The following JADE3 variants were observed in gnomAD, a reference collection of about 807,000 sequenced individuals.
The protein encoded by JADE3 is protein Jade-3.
A neutral mutation model predicts 50.1 loss-of-function variants in JADE3; 2 were observed. The observed-to-expected ratio is 0.04, with a 90% CI of 0.02 to 0.13. The LOEUF (loss-of-function observed/expected upper bound fraction) is 0.13. Among genes scored for constraint, JADE3 ranks in the 10% least tolerant of loss-of-function variants. JADE3 has a pLI of 1.00. For synonymous variants in JADE3, 218 were observed against 232.9 expected (o/e 0.94, Z 0.58); for missense variants, 475 against 634.4 (o/e 0.75, Z 2.70).
chrX:46,972,323 A>G (rs1301363374), intron 1 of JADE3, among the ~76,000 whole-genome samples: 1 of 110,251 alleles, frequency 9.1e-6, no homozygotes, highest in African/African-American at 3.3e-5. Context: ...AGCTTCCTGA[A>G]TAGCTGGGAT....
At chrX:46,921,446 G>A (rs1466980340) in intron 1 of JADE3, among the ~76,000 whole-genome samples, 2 of 111,054 alleles carry the variant, frequency 1.8e-5, no homozygotes, top group Non-Finnish European at 3.8e-5. Flanking sequence ...TCCAATCTTG[G>A]AAAGCATTCC....
intron 1 of JADE3, among the ~76,000 whole-genome samples, chrX:46,934,822 G>T (rs2147108996): frequency 8.9e-6 from 1 of 112,221 alleles, no homozygotes; most frequent in South Asian, 3.7e-4. Context: ...TGTAAATGGA[G>T]TGAGGTTTAG....
chrX:46,980,361 C>T (rs1249179718), intron 1 of JADE3, among the ~76,000 whole-genome samples: 3 of 111,406 alleles, frequency 2.7e-5, no homozygotes, highest in Non-Finnish European at 5.6e-5. Context: ...TACATTCCCA[C>T]CAGCAATGTA....
At chrX:46,982,219 T>C (rs1448693912) in intron 1 of JADE3, among the ~76,000 whole-genome samples, 1 of 111,336 alleles carries the variant, frequency 9.0e-6, no homozygotes, top group Non-Finnish European at 1.9e-5. Context: ...GTTCATTAAT[T>C]CTTTTTTCTG....
At chrX:47,046,678 C>G (rs1248183825) in intron 8 of JADE3, among the ~76,000 whole-genome samples, 1 of 112,148 alleles carries the variant, frequency 8.9e-6, no homozygotes, top group Non-Finnish European at 1.9e-5. Context: ...AAAGATCATT[C>G]ACCATGACCA....
At position 47,028,383 on chromosome X, in the gene JADE3, TG is replaced by T. The variant is rs781994780; in HGVS notation, c.687+281del. The stretch of plus-strand genomic sequence containing the variant: ...CTTGTTCAGCTTGCCCCTAGGCCCC[TG>T]CCCCAGGGGGATCTCATTGCTGCCT... On this transcript the variant is annotated intron_variant, in intron 6 of 10. Coordinates refer to ENST00000614628, the MANE Select transcript of JADE3 (RefSeq NM_014735.5). 5.1e-3 allele frequency among the ~76,000 whole-genome samples: 560 copies of T among 110,022 alleles called. 2 individuals are homozygous for T. Among genetic ancestry groups the T allele is most frequent in the Non-Finnish European group, 7.9e-3 (415 of 52,725 alleles).
At chrX:46,930,544 A>G (rs1342516618) in intron 1 of JADE3, among the ~76,000 whole-genome samples, 1 of 112,273 alleles carries the variant, frequency 8.9e-6, no homozygotes, top group Non-Finnish European at 1.9e-5. Flanking sequence ...CAGGGCCTAG[A>G]GGGCATGACC....
intron 1 of JADE3, among the ~76,000 whole-genome samples, chrX:46,957,445 G>A (rs1556346793): frequency 1.8e-5 from 2 of 112,525 alleles, no homozygotes; most frequent in Admixed American, 9.4e-5. Flanking sequence ...ATTTGGGCAT[G>A]TGGTAGGATT....
rs782158739 is a variant in JADE3, at chrX:47,027,989, A to G, written c.573A>G (p.Glu191=). 1.2e-5 allele frequency: 15 copies of G among 1,204,931 alleles called. No individual in the cohort carries two copies. The highest frequency in any genetic ancestry group is 3.5e-5 in the African/African-American group (2 of 56,898). The change falls in exon 6 of 11, where the codon GAA becomes GAG. Residue 191 remains glutamate, a synonymous_variant. Transcript: ENST00000614628. ...ENMNHAIETE[E]GLGIEYDEDV... ...TGAACCATGCTATTGAGACAGAGGA[A>G]GGGCTAGGCATAGAGTATGATGAAG...
At chrX:46,976,560 A>G (rs1432262889) in intron 1 of JADE3, among the ~76,000 whole-genome samples, 1 of 111,955 alleles carries the variant, frequency 8.9e-6, no homozygotes, top group Non-Finnish European at 1.9e-5. Context: ...TTCTGCCAAA[A>G]TGAAGGTAAG....
chrX:46,955,590 T>C (rs187000014), intron 1 of JADE3, among the ~76,000 whole-genome samples: 1 of 111,826 alleles, frequency 8.9e-6, no homozygotes, highest in East Asian at 2.8e-4. Context: ...GTGTTCAGAC[T>C]GTTGCATTAT....
chrX:47,040,336 G>A, intron 8 of JADE3, among the ~76,000 whole-genome samples: 1 of 112,117 alleles, frequency 8.9e-6, no homozygotes, highest in Non-Finnish European at 1.9e-5. Context: ...GTGAGCAAGT[G>A]AGCATTACCA....
chrX:46,997,235 C>A lies in JADE3; in HGVS notation c.127-885C>A, dbSNP rs782458539. On this transcript the variant is annotated intron_variant, in intron 3 of 10. Transcript: ENST00000614628. Reference sequence around the variant, plus strand: ...AGATACTCTGAGGCCAGGCACCGTGCCTCACGCCTATAATCCCAGCACTTT... The same window carrying A: ...AGATACTCTGAGGCCAGGCACCGTGACTCACGCCTATAATCCCAGCACTTT... Among the ~76,000 whole-genome samples the A allele has an allele frequency of 4.5e-5, 5 of 111,612 alleles. No individual in the cohort carries two copies. The South Asian group carries it at 1.9e-3, about 42-fold the overall frequency.
intron 1 of JADE3, among the ~76,000 whole-genome samples, chrX:46,932,746 A>C: frequency 9.0e-6 from 1 of 111,670 alleles, no homozygotes; most frequent in Non-Finnish European, 1.9e-5. Flanking sequence ...CACAGGAATA[A>C]TTTTGGATAC....
chrX:46,966,384 C>T (rs1927369378), intron 1 of JADE3, among the ~76,000 whole-genome samples: 2 of 111,412 alleles, frequency 1.8e-5, no homozygotes, highest in Admixed American at 1.9e-4. Context: ...CTGTCTCTTT[C>T]GCCTTTCCTT....
intron 1 of JADE3, among the ~76,000 whole-genome samples, chrX:46,966,685 T>C (rs992151487): frequency 1.5e-4 from 17 of 110,899 alleles, no homozygotes; most frequent in African/African-American, 5.3e-4. Context: ...AGATTGAGAG[T>C]AAGGAAGGAG....
Position 46,977,423 on chromosome X carries a change from TCTATGCCATAAAC to T in JADE3, c.-11-7456_-11-7444del, listed in dbSNP as rs1271353955. Among the ~76,000 whole-genome samples, 6 of 112,046 alleles carry T rather than the reference TCTATGCCATAAAC, an allele frequency of 5.4e-5. No homozygotes were observed. In the East Asian group the frequency reaches 1.7e-3, roughly 31 times the overall value. ...ATATACCTATAAACTATCATCACAA[TCTATGCCATAAAC>T]CTATCTATCACCCCCAAAAGTTTCC... On this transcript the variant is annotated intron_variant, in intron 1 of 10. Coordinates refer to ENST00000614628, the MANE Select transcript of JADE3 (RefSeq NM_014735.5).
intron 1 of JADE3, among the ~76,000 whole-genome samples, chrX:46,982,583 T>A (rs929846215): frequency 4.5e-5 from 5 of 111,180 alleles, no homozygotes; most frequent in Non-Finnish European, 9.4e-5. Context: ...CAGGGTTCTT[T>A]ATTATTATTT....
intron 1 of JADE3, among the ~76,000 whole-genome samples, chrX:46,924,255 A>G (rs1926305924): frequency 9.0e-6 from 1 of 111,519 alleles, no homozygotes; most frequent in Admixed American, 9.5e-5. Context: ...AGCTTGTAAG[A>G]GTGTAGCAAC....
Sources: gnomAD v4.1 joint callset for allele counts (sites outside exome capture counted in the v4.1 genomes callset) on GRCh38, gnomAD v4.1.1 for gene constraint, MANE v1.5 for transcripts, NCBI Gene and HGNC (gene_info 2026-07-23, HGNC 2026-07-21) for gene names.